Variants in PPP2R5E observed in about 807,000 individuals in gnomAD.
PPP2R5E encodes serine/threonine-protein phosphatase 2A 56 kDa regulatory subunit epsilon isoform.
In PPP2R5E, 4 loss-of-function variants were observed where a neutral mutation model predicts 65.3. The ratio of observed to expected loss-of-function variants is 0.06; its 90% CI spans 0.03 to 0.14. The LOEUF (loss-of-function observed/expected upper bound fraction) is 0.14. Among genes scored for constraint, PPP2R5E ranks in the 10% least tolerant of loss-of-function variants. The probability of loss-of-function intolerance (pLI) is 1.00; values close to 1 mark genes in which losing one functional copy is unlikely to be tolerated. For synonymous variants in PPP2R5E, 183 were observed against 187.4 expected, an observed-to-expected ratio of 0.98 and a Z score of 0.19; for missense variants, 274 against 556.1, an observed-to-expected ratio of 0.49 and a Z score of 5.10.
At chr14:63,402,270 T>G (rs1298533266) in intron 5 of PPP2R5E, among the ~76,000 whole-genome samples, 2 of 152,208 alleles carry the variant, frequency 1.3e-5, no homozygotes, top group African/African-American at 4.8e-5. Context: ...GGTTTCCTAA[T>G]GAAATGGCAA....
intron 2 of PPP2R5E, among the ~76,000 whole-genome samples, chr14:63,498,830 C>T (rs1024015617): frequency 6.6e-6 from 1 of 152,028 alleles, no homozygotes; most frequent in African/African-American, 2.4e-5. Context: ...CTTATAACAA[C>T]TTCATATACC....
intron 2 of PPP2R5E, among the ~76,000 whole-genome samples, chr14:63,493,893 C>T (rs1297376360): frequency 1.3e-5 from 2 of 152,062 alleles, no homozygotes; most frequent in South Asian, 2.1e-4. Context: ...CTCCTAAAGT[C>T]GGGTTACTTG....
At chr14:63,540,889 A>G (rs1382446144) in intron 1 of PPP2R5E, among the ~76,000 whole-genome samples, 1 of 152,216 alleles carries the variant, frequency 6.6e-6, no homozygotes, top group Non-Finnish European at 1.5e-5. Context: ...GCTTAAAGAA[A>G]TCTATGCTGC....
intron 2 of PPP2R5E, among the ~76,000 whole-genome samples, chr14:63,509,879 C>G (rs1033022864): frequency 6.6e-6 from 1 of 152,182 alleles, no homozygotes; most frequent in Non-Finnish European, 1.5e-5. Context: ...GTACGTAGAT[C>G]TGAGTATAAT....
intron 2 of PPP2R5E, among the ~76,000 whole-genome samples, chr14:63,488,935 CTG>C (rs989927685): frequency 6.6e-6 from 1 of 151,662 alleles, no homozygotes; most frequent in Non-Finnish European, 1.5e-5. Flanking sequence ...TATCATGGAA[CTG>C]TGTTACCCAA....
intron 2 of PPP2R5E, among the ~76,000 whole-genome samples, chr14:63,462,323 GC>G (rs1889528042): frequency 6.6e-6 from 1 of 152,020 alleles, no homozygotes; most frequent in Non-Finnish European, 1.5e-5. Flanking sequence ...GCCCACCTCG[GC>G]CTCCCAAAGT....
chr14:63,444,589 C>CA (rs1020125059), intron 3 of PPP2R5E, among the ~76,000 whole-genome samples: 7 of 149,464 alleles, frequency 4.7e-5, no homozygotes, highest in East Asian at 3.9e-4. Flanking sequence ...GAAGTATCCC[C>CA]AAAAAAAACA....
intron 1 of PPP2R5E, among the ~76,000 whole-genome samples, chr14:63,541,430 T>C (rs1007973366): frequency 6.6e-6 from 1 of 152,224 alleles, no homozygotes; most frequent in Non-Finnish European, 1.5e-5. Flanking sequence ...AATAGCACTT[T>C]TGAATTGTTT....
intron 2 of PPP2R5E, among the ~76,000 whole-genome samples, chr14:63,496,829 A>C (rs558429638): frequency 6.6e-6 from 1 of 152,240 alleles, no homozygotes; most frequent in Middle Eastern, 3.4e-3. Context: ...AATTAATAAA[A>C]ATTAAAATCT....
At chr14:63,478,384 A>G (rs1890512393) in intron 2 of PPP2R5E, among the ~76,000 whole-genome samples, 1 of 152,196 alleles carries the variant, frequency 6.6e-6, no homozygotes, top group South Asian at 2.1e-4. Context: ...ATATTTATTA[A>G]TTCATTTCAA....
chr14:63,468,774 A>C (rs1426678239), intron 2 of PPP2R5E, among the ~76,000 whole-genome samples: 3 of 152,254 alleles, frequency 2.0e-5, no homozygotes, highest in Non-Finnish European at 4.4e-5. Context: ...ATTAATACTT[A>C]TATATACTAA....
At chr14:63,456,256 T>C (rs1446684586) in intron 2 of PPP2R5E, among the ~76,000 whole-genome samples, 1 of 152,066 alleles carries the variant, frequency 6.6e-6, no homozygotes, top group Non-Finnish European at 1.5e-5. Flanking sequence ...CTAAAGTACA[T>C]CATCATTTAA....
chr14:63,376,123 G>T lies in PPP2R5E; in HGVS notation c.1305-15C>A, dbSNP rs1341758226. 2.4e-5 allele frequency: 37 copies of T among 1,528,780 alleles called. No individual in the cohort carries two copies. The highest frequency in any genetic ancestry group is 3.3e-5 in the Non-Finnish European group (36 of 1,103,808). 94.7% of individuals were successfully genotyped at this position (1,528,780 alleles called of 1,614,324 possible). A position where few individuals can be genotyped will look rare whatever the true frequency, so the allele number is the denominator to read the frequency against. ...TCTTTTTCTCACTGAGGAAGAAACA[G>T]AATACAATGTAAACAGCTGAGGTTT... On this transcript the variant is annotated splice_polypyrimidine_tract_variant and intron_variant, in intron 13 of 13. Transcript: ENST00000337537.
rs570361824 is a variant in PPP2R5E at position 63,493,409 on chromosome 14, A to G, written c.158-39524T>C. ...CACTAGATGCCAGTAGCAAGTCCTT[A>G]CTCTTTCCCGCTTCAATCCTCTCTC... is the stretch of plus-strand genomic sequence containing the variant. On this transcript the variant is annotated intron_variant, in intron 2 of 13. Coordinates refer to ENST00000337537, the MANE Select transcript of PPP2R5E (RefSeq NM_006246.5). 2.1e-5 allele frequency among the ~76,000 whole-genome samples: 3 copies of G among 145,284 alleles called. No individual in the cohort carries two copies. The East Asian group carries it at 6.0e-4, about 29-fold the overall frequency.
chr14:63,405,048 G>C (rs1424600746), intron 5 of PPP2R5E, among the ~76,000 whole-genome samples: 1 of 152,190 alleles, frequency 6.6e-6, no homozygotes, highest in Non-Finnish European at 1.5e-5. Context: ...ACAGGGCCCA[G>C]CACAACTGCA....
chr14:63,497,976 C>A (rs1029809293), intron 2 of PPP2R5E, among the ~76,000 whole-genome samples: 2 of 152,162 alleles, frequency 1.3e-5, no homozygotes, highest in Admixed American at 6.6e-5. Flanking sequence ...TTCTTATTCA[C>A]TTAGAATAAT....
At chr14:63,464,089 A>AT (rs1285863675) in intron 2 of PPP2R5E, among the ~76,000 whole-genome samples, 1 of 152,166 alleles carries the variant, frequency 6.6e-6, no homozygotes, top group Non-Finnish European at 1.5e-5. Context: ...TGCAAAGGGA[A>AT]TGGGCTCCTC....
intron 4 of PPP2R5E, among the ~76,000 whole-genome samples, chr14:63,416,286 T>G (rs1007844712): frequency 2.6e-5 from 4 of 152,178 alleles, no homozygotes; most frequent in Non-Finnish European, 5.9e-5. Flanking sequence ...AAGACTCTGT[T>G]TCTCTAAAAA....
chr14:63,481,447 G>T (rs1278231626), intron 2 of PPP2R5E, among the ~76,000 whole-genome samples: 2 of 141,590 alleles, frequency 1.4e-5, no homozygotes, highest in Non-Finnish European at 3.0e-5. Flanking sequence ...AGTGAGCCGA[G>T]ATCGCACCAC....
Sources: gnomAD v4.1 joint callset for allele counts (sites outside exome capture counted in the v4.1 genomes callset) on GRCh38, gnomAD v4.1.1 for gene constraint, MANE v1.5 for transcripts, NCBI Gene and HGNC (gene_info 2026-07-23, HGNC 2026-07-21) for gene names.